Variants in POLR3F observed in about 807,000 individuals in gnomAD.
POLR3F encodes DNA-directed RNA polymerase III subunit RPC6.
POLR3F carries 31 observed loss-of-function variants against 43.6 expected under a neutral mutation model. The observed-to-expected ratio is 0.71, with a 90% CI of 0.53 to 0.96. The LOEUF (loss-of-function observed/expected upper bound fraction) is 0.96. Ranked by LOEUF, POLR3F falls within the 40% of genes least tolerant of loss-of-function variation. The pLI is 0.00. For synonymous variants in POLR3F, 114 were observed against 132.5 expected (o/e 0.86, Z 0.96); for missense variants, 316 against 391.7 (o/e 0.81, Z 1.63).
At chr20:18,476,309 T>C (rs1039329716) in intron 5 of POLR3F, among the ~76,000 whole-genome samples, 3 of 152,252 alleles carry the variant, frequency 2.0e-5, no homozygotes, top group Non-Finnish European at 4.4e-5. Flanking sequence ...GCCTTTATTA[T>C]AGATTTGCCT....
At chr20:18,475,211 C>A in intron 5 of POLR3F, 24 bp downstream of exon 5, 1 of 847,084 alleles carries the variant, frequency 1.2e-6, no homozygotes, top group Non-Finnish European at 2.0e-6. Flanking sequence ...TCCTCAGATA[C>A]CCACTTACAT....
In POLR3F at chr20:18,467,567, A is replaced by G. The variant is rs1436441623; in HGVS notation, c.61A>G (p.Arg21Gly). ...CGCGGATCCGGTCGAAATAGAAAAC[A>G]GGTAAACCAGTGAGGCTCCGGCTTG... ...PDADPVEIEN[R>G]IIELCHQFPH... Residue 21 changes from arginine to glycine, a missense_variant and splice_region_variant, in exon 1 of 9, where the codon AGG becomes GGG. This residue lies in a region of POLR3F where 122 missense variants were observed against 133.8 expected (regional missense o/e 0.91). Coordinates refer to ENST00000377603, the MANE Select transcript of POLR3F (RefSeq NM_006466.4). 1 of 1,614,234 alleles carries G rather than the reference A, an allele frequency of 6.2e-7. No homozygotes were observed. Among genetic ancestry groups the G allele is most frequent in the Admixed American group, 1.7e-5 (1 of 60,032 alleles).
intron 5 of POLR3F, among the ~76,000 whole-genome samples, chr20:18,475,437 C>G (rs1427378105): frequency 1.3e-5 from 2 of 152,160 alleles, no homozygotes; most frequent in Non-Finnish European, 2.9e-5. Flanking sequence ...AACATTTTTC[C>G]TAGATTTTGT....
rs555476367 is a variant in POLR3F, at chr20:18,472,963, G to A, written c.248+54G>A. 1.9e-4 allele frequency: 159 copies of A among 829,190 alleles called. No homozygotes were observed. The African/African-American group carries it at 2.6e-3, about 13-fold the overall frequency. The allele number at this position is 829,190 out of a possible 1,614,324, so 51.4% of individuals were successfully genotyped here. ...AAATGTTTATTATTTGCAAACGTAT[G>A]TGTTGGGAATAAAGCTAATACAAAA... On this transcript the variant is annotated intron_variant, in intron 3 of 8. Transcript: ENST00000377603.
At chr20:18,481,867 T>C (rs2059812134) in intron 8 of POLR3F, 57 bp downstream of exon 8, 1 of 1,101,392 alleles carries the variant, frequency 9.1e-7, no homozygotes, top group East Asian at 2.4e-5. Context: ...AGTGCCACAT[T>C]AAGAAACAGA....
chr20:18,471,067 T>C (rs1242747618), intron 2 of POLR3F, among the ~76,000 whole-genome samples: 1 of 152,052 alleles, frequency 6.6e-6, no homozygotes, highest in African/African-American at 2.4e-5. Flanking sequence ...TAAATGCAGG[T>C]CTGACCAAGG....
intron 4 of POLR3F, among the ~76,000 whole-genome samples, chr20:18,474,359 C>A (rs1428983955): frequency 6.6e-6 from 1 of 151,866 alleles, no homozygotes; most frequent in Admixed American, 6.6e-5. Flanking sequence ...GTTTTTGTCC[C>A]ACTTGAGGAT....
In POLR3F at chr20:18,480,173, C is replaced by T; in HGVS notation, c.565C>T (p.Gln189Ter). 6.2e-7 allele frequency: 1 copy of T among 1,611,646 alleles called. No individual in the cohort carries two copies. The highest frequency in any genetic ancestry group is 8.5e-7 in the Non-Finnish European group (1 of 1,178,310). ...TAACCAACAGTGTTTTAAATTCCTA[C>T]AGTCCAAGGTGAGGTATGATTGAGG... ...VLNQQCFKFL[Q>*]SKAETARESK... Residue 189 changes from glutamine to a stop codon, truncating the protein, a stop_gained, in exon 6 of 9, where the codon CAG (glutamine) becomes TAG (stop). Coordinates refer to ENST00000377603, the MANE Select transcript of POLR3F (RefSeq NM_006466.4). LOFTEE classifies it high-confidence loss of function.
chr20:18,482,525 A>C (rs2059816254), intron 8 of POLR3F, among the ~76,000 whole-genome samples: 1 of 152,110 alleles, frequency 6.6e-6, no homozygotes, highest in African/African-American at 2.4e-5. Flanking sequence ...AAAGTGAGGG[A>C]GCTTAGGCTT....
rs780275934 is a variant in POLR3F at position 18,481,689 on chromosome 20, C to T, written c.752C>T (p.Thr251Met). Reference sequence around the variant, plus strand: ...ATTTATGATGGAAAAGTGGAGATGACGATTATTGCTGCAAAAGAAGGCACA... The same window carrying T: ...ATTTATGATGGAAAAGTGGAGATGATGATTATTGCTGCAAAAGAAGGCACA... Reference protein sequence around the residue: ...TLIYDGKVEMTIIAAKEGTVG... With the variant: ...TLIYDGKVEMMIIAAKEGTVG... The change falls in exon 8 of 9, where the codon ACG becomes ATG. Residue 251 changes from threonine to methionine, a missense_variant. Transcript: ENST00000377603. 28 of 1,612,010 alleles carry T rather than the reference C, an allele frequency of 1.7e-5. No homozygotes were observed. The highest frequency in any genetic ancestry group is 1.6e-4 in the Middle Eastern group (1 of 6,078).
intron 1 of POLR3F, among the ~76,000 whole-genome samples, chr20:18,468,191 C>T (rs142593868): frequency 0.02 from 3,038 of 152,308 alleles, 52 homozygotes; most frequent in African/African-American, 0.023. Flanking sequence ...ATTCCCCTGC[C>T]TTAGCCTCCC....
In POLR3F at chr20:18,483,672, C is replaced by G; in HGVS notation, c.*114C>G. The G allele has an allele frequency of 2.1e-6, 1 of 477,090 alleles. No homozygotes were observed. The highest frequency in any genetic ancestry group is 3.7e-6 in the Non-Finnish European group (1 of 267,278). 29.6% of individuals were successfully genotyped at this position (477,090 alleles called of 1,614,324 possible). A position where few individuals can be genotyped will look rare whatever the true frequency, so the allele number is the denominator to read the frequency against. On this transcript the variant is annotated 3_prime_UTR_variant, in exon 9 of 9. Transcript: ENST00000377603. ...TGAAAGCAAACTTCACAATAATGGA[C>G]GTAGACTTGCTGCTATGAAAACATA...
chr20:18,483,717 C>A lies in POLR3F; in HGVS notation c.*159C>A. The A allele has an allele frequency of 2.3e-6, 1 of 426,878 alleles. No homozygotes were observed. The highest frequency in any genetic ancestry group is 4.1e-6 in the Non-Finnish European group (1 of 243,582). The allele number at this position is 426,878 out of a possible 1,614,324, so 26.4% of individuals were successfully genotyped here. ...AACATATTTTTTTTATTTATGAAGA[C>A]TAAATTTATATTGGTAAAATAGCCA... On this transcript the variant is annotated 3_prime_UTR_variant, in exon 9 of 9. Coordinates refer to ENST00000377603, the MANE Select transcript of POLR3F (RefSeq NM_006466.4).
Position 18,467,412 on chromosome 20 carries a change from C to G in POLR3F, c.-95C>G, listed in dbSNP as rs956720027. The G allele has an allele frequency of 4.3e-6, 6 of 1,388,170 alleles. No individual in the cohort carries two copies. In the African/African-American group the frequency reaches 5.7e-5, roughly 13 times the overall value. The allele number at this position is 1,388,170 out of a possible 1,614,324, so 86.0% of individuals were successfully genotyped here. A position where few individuals can be genotyped will look rare whatever the true frequency, so the allele number is the denominator to read the frequency against. On this transcript the variant is annotated 5_prime_UTR_variant, in exon 1 of 9. Coordinates refer to ENST00000377603, the MANE Select transcript of POLR3F (RefSeq NM_006466.4). ...GAGGAAGAAGGCCCCTCGGCCTCAG[C>G]AGAGCGCTATCCTCCACTGGTTCCC...
intron 5 of POLR3F, among the ~76,000 whole-genome samples, chr20:18,479,486 C>A (rs1296037514): frequency 6.6e-6 from 1 of 152,036 alleles, no homozygotes; most frequent in African/African-American, 2.4e-5. Flanking sequence ...CAGTGCAAGA[C>A]CCTGTCTCCA....
At position 18,468,435 on chromosome 20, in the gene POLR3F, C is replaced by T. The variant is rs554788117; in HGVS notation, c.63-509C>T. 3.9e-5 allele frequency among the ~76,000 whole-genome samples: 6 copies of T among 152,298 alleles called. No individual in the cohort carries two copies. The East Asian group carries it at 1.2e-3, about 29-fold the overall frequency. ...GATTTTCACGTAGTTTTAAAAGACT[C>T]AACTTTCTCAGACTGTTAGGAATAA... On this transcript the variant is annotated intron_variant, in intron 1 of 8. Transcript: ENST00000377603.
rs1238404590 is a variant in POLR3F, at chr20:18,467,573, A to G, written c.62+5A>G. ...TCCGGTCGAAATAGAAAACAGGTAA[A>G]CCAGTGAGGCTCCGGCTTGGCACTC... On this transcript the variant is annotated splice_donor_5th_base_variant and intron_variant, in intron 1 of 8. Transcript: ENST00000377603. 1 of 1,614,154 alleles carries G rather than the reference A, an allele frequency of 6.2e-7. No individual in the cohort carries two copies. Among genetic ancestry groups the G allele is most frequent in the East Asian group, 2.2e-5 (1 of 44,886 alleles).
At chr20:18,469,214 G>T in intron 2 of POLR3F, 153 bp downstream of exon 2, 2 of 619,320 alleles carry the variant, frequency 3.2e-6, no homozygotes, top group Non-Finnish European at 5.9e-6. Flanking sequence ...TGTCTGTGTG[G>T]GTGTTTCTGA....
chr20:18,483,498 C>A lies in POLR3F; in HGVS notation c.891C>A (p.His297Gln), dbSNP rs562828889. 6.5e-7 allele frequency: 1 copy of A among 1,526,756 alleles called. No individual in the cohort carries two copies. Among genetic ancestry groups the A allele is most frequent in the Admixed American group, 1.9e-5 (1 of 53,022 alleles). The allele number at this position is 1,526,756 out of a possible 1,614,324, so 94.6% of individuals were successfully genotyped here. A position where few individuals can be genotyped will look rare whatever the true frequency, so the allele number is the denominator to read the frequency against. ...TTTTAAAGGTTTTTGATGACTGCCA[C>A]GAAGGTGGTGAGATTTCACCATCTA... Reference protein sequence around the residue: ...CGLCPVFDDCHEGGEISPSNC... With the variant: ...CGLCPVFDDCQEGGEISPSNC... Residue 297 changes from histidine to glutamine, a missense_variant, in exon 9 of 9, where the codon CAC becomes CAA. His to Gln is a conservative substitution (Grantham distance 24). Transcript: ENST00000377603.
Sources: gnomAD v4.1 joint callset for allele counts (sites outside exome capture counted in the v4.1 genomes callset) on GRCh38, gnomAD v4.1.1 for gene constraint, gnomAD v4.1.1 regional missense constraint, MANE v1.5 for transcripts, NCBI Gene and HGNC (gene_info 2026-07-23, HGNC 2026-07-21) for gene names.